ZBTB41: variants seen among roughly 807,000 people sequenced by gnomAD.
ZBTB41 encodes zinc finger and BTB domain containing 41, also known as zinc finger and BTB domain-containing protein 41.
ZBTB41 carries 42 observed loss-of-function variants against 87.6 expected under a neutral mutation model. That is an observed-to-expected ratio of 0.48 (90% CI 0.37 to 0.62). ZBTB41 has a LOEUF of 0.62. Among genes scored for constraint, ZBTB41 ranks in the 20% least tolerant of loss-of-function variants. The probability of loss-of-function intolerance (pLI) is 0.00; values close to 1 mark genes in which losing one functional copy is unlikely to be tolerated. For missense variants in ZBTB41, 799 were observed against 1,078.9 expected (o/e 0.74, Z 3.63); for synonymous variants, 364 against 364.0 (o/e 1.00, Z 0.00).
chr1:197,189,272 G>A (rs552200823), intron 4 of ZBTB41, among the ~76,000 whole-genome samples: 6 of 152,112 alleles, frequency 3.9e-5, no homozygotes, highest in Non-Finnish European at 5.9e-5. Context: ...CTGTAATCCC[G>A]GGAAGCACTT....
chr1:197,164,389 T>A (rs1252831835), intron 10 of ZBTB41, among the ~76,000 whole-genome samples: 1 of 151,770 alleles, frequency 6.6e-6, no homozygotes, highest in Non-Finnish European at 1.5e-5. Flanking sequence ...GTGAACAGCA[T>A]GATGATACAT....
intron 2 of ZBTB41, among the ~76,000 whole-genome samples, chr1:197,196,773 G>T (rs1410199907): frequency 6.6e-6 from 1 of 152,008 alleles, no homozygotes; most frequent in African/African-American, 2.4e-5. Context: ...TGACCACCTT[G>T]AAACCACTCA....
chr1:197,164,094 T>A (rs1369906636), intron 10 of ZBTB41, among the ~76,000 whole-genome samples: 1 of 152,048 alleles, frequency 6.6e-6, no homozygotes, highest in East Asian at 1.9e-4. Context: ...CATGAAGAAT[T>A]TAAATACATA....
chr1:197,190,712 A>G, intron 4 of ZBTB41, 50 bp downstream of exon 4: 3 of 1,146,980 alleles, frequency 2.6e-6, no homozygotes, highest in Non-Finnish European at 3.9e-6. Flanking sequence ...TCCCCAAAAG[A>G]CGTTGCATTT....
Position 197,200,468 on chromosome 1 carries a change from C to A in ZBTB41, c.6G>T (p.Lys2Asn), listed in dbSNP as rs961069377. MKKRRKVTSNLE... is the reference protein window; with the variant it reads MNKRRKVTSNLE... The stretch of plus-strand genomic sequence containing the variant: ...GATTTGAAGTAACCTTTCTCCTCTT[C>A]TTCATTGCAGTACAGCAATTTCAGA... Residue 2 changes from lysine to asparagine, a missense_variant, in exon 2 of 11, where the codon AAG becomes AAT. By Grantham distance (94) the Lys-to-Asn change is moderately conservative. This residue lies in a region of ZBTB41 where 77 missense variants were observed against 68.4 expected (regional missense o/e 1.13). Coordinates refer to ENST00000367405, the MANE Select transcript of ZBTB41 (RefSeq NM_194314.3). 4 of 1,584,364 alleles carry A rather than the reference C, an allele frequency of 2.5e-6. No individual in the cohort carries two copies. The highest frequency in any genetic ancestry group is 3.4e-6 in the Non-Finnish European group (4 of 1,169,144).
intron 5 of ZBTB41, among the ~76,000 whole-genome samples, chr1:197,185,279 T>C (rs1236899851): frequency 1.3e-5 from 2 of 152,076 alleles, no homozygotes; most frequent in African/African-American, 4.8e-5. Context: ...TTTATCTAAG[T>C]TGTTAACAAA....
intron 9 of ZBTB41, among the ~76,000 whole-genome samples, chr1:197,174,792 T>TAATTAATA: frequency 6.6e-6 from 1 of 152,018 alleles, no homozygotes; most frequent in Non-Finnish European, 1.5e-5. Context: ...TAATTATTGT[T>TAATTAATA]AACTTGCATG....
intron 7 of ZBTB41, 96 bp downstream of exon 7, chr1:197,178,321 G>T: frequency 2.3e-6 from 2 of 861,954 alleles, no homozygotes; most frequent in Non-Finnish European, 3.4e-6. Flanking sequence ...TAAGGACTAA[G>T]AAATGTTTCA....
intron 5 of ZBTB41, among the ~76,000 whole-genome samples, chr1:197,184,607 C>G (rs996964890): frequency 6.6e-6 from 1 of 152,062 alleles, no homozygotes; most frequent in Non-Finnish European, 1.5e-5. Flanking sequence ...CTGAAAAATA[C>G]ACTTTTATTA....
chr1:197,176,080 G>A (rs929921198), intron 8 of ZBTB41: 2 of 154,136 alleles, frequency 1.3e-5, no homozygotes, highest in African/African-American at 4.8e-5. Context: ...ATCTGAAATT[G>A]GTCAGGATTA....
At chr1:197,166,531 A>G (rs991390365) in intron 10 of ZBTB41, among the ~76,000 whole-genome samples, 1 of 152,134 alleles carries the variant, frequency 6.6e-6, no homozygotes, top group African/African-American at 2.4e-5. Context: ...CTAAAACACA[A>G]ATTAAAAAAC....
intron 10 of ZBTB41, 103 bp downstream of exon 10, chr1:197,172,057 A>C (rs1659493137): frequency 4.8e-6 from 2 of 416,926 alleles, no homozygotes. Flanking sequence ...AAAGAAATTT[A>C]ACCAAGAACA....
At position 197,191,697 on chromosome 1, in the gene ZBTB41, A is replaced by C. The variant is rs1389297253; in HGVS notation, c.1323T>G (p.Val441=). 1.1e-5 allele frequency: 17 copies of C among 1,611,302 alleles called. No homozygotes were observed. Among genetic ancestry groups the C allele is most frequent in the Admixed American group, 5.0e-5 (3 of 59,842 alleles). ...HASKKTLAKH[V]KRFHPENAQE... ...GGAAGCAAGATAATACTTGCCTCTT[A>C]ACATGCTTGGCTAAAGTCTTCTTGC... Residue 441 remains valine, a synonymous_variant, in exon 3 of 11, where the codon GTT becomes GTG. Transcript: ENST00000367405.
intron 10 of ZBTB41, among the ~76,000 whole-genome samples, chr1:197,170,539 G>T (rs545188079): frequency 6.6e-6 from 1 of 152,046 alleles, no homozygotes. Context: ...TTACTGTGAA[G>T]AATTACTCAC....
rs149738372 is a variant in ZBTB41, at chr1:197,180,704, C to A, written c.1676+284G>T. 4.7e-3 allele frequency among the ~76,000 whole-genome samples: 695 copies of A among 148,960 alleles called. 7 individuals are homozygous for A. The highest frequency in any genetic ancestry group is 0.017 in the South Asian group (84 of 4,826). On this transcript the variant is annotated intron_variant, in intron 6 of 10. Transcript: ENST00000367405. ...ATTTCTGTTCTCCCTATCTTTGTAG[C>A]TTATTCTTTTTAAAAAACAAACAAA...
rs1488070219 is a variant in ZBTB41, at chr1:197,166,787, CG to C, written c.2074+5372del. Among the ~76,000 whole-genome samples the C allele has an allele frequency of 2.0e-5, 3 of 152,004 alleles. No homozygotes were observed. The East Asian group carries it at 5.8e-4, about 29-fold the overall frequency. On this transcript the variant is annotated intron_variant, in intron 10 of 10. Transcript: ENST00000367405. ...GCTTGAACCCAGGAGGTGGAGGTTG[CG>C]GTGAGCCAAGATCGTGCTATTGCAC...
At chr1:197,184,919 A>G (rs973922357) in intron 5 of ZBTB41, among the ~76,000 whole-genome samples, 3 of 152,012 alleles carry the variant, frequency 2.0e-5, no homozygotes, top group African/African-American at 7.2e-5. Context: ...GGTTCAAGCT[A>G]TTCTCCTGCC....
intron 7 of ZBTB41, among the ~76,000 whole-genome samples, chr1:197,177,444 A>C (rs1659636194): frequency 6.6e-6 from 1 of 152,088 alleles, no homozygotes; most frequent in Non-Finnish European, 1.5e-5. Context: ...CCCAGTCTCA[A>C]GTATGTCTTT....
chr1:197,191,668 T>C, intron 3 of ZBTB41, 24 bp downstream of exon 3: 4 of 1,587,642 alleles, frequency 2.5e-6, no homozygotes, highest in Non-Finnish European at 3.4e-6. Flanking sequence ...ATAAAGTATA[T>C]TATGGAAGCA....
Sources: gnomAD v4.1 joint callset for allele counts (sites outside exome capture counted in the v4.1 genomes callset) on GRCh38, gnomAD v4.1.1 for gene constraint, gnomAD v4.1.1 regional missense constraint, MANE v1.5 for transcripts, NCBI Gene and HGNC (gene_info 2026-07-23, HGNC 2026-07-21) for gene names.